The following BICD1 variants were observed in gnomAD, a reference collection of about 807,000 sequenced individuals.
BICD1 encodes BICD cargo adaptor 1.
BICD1 carries 35 observed loss-of-function variants against 92.5 expected under a neutral mutation model. That is an observed-to-expected ratio of 0.38 (90% CI 0.29 to 0.50). The LOEUF is 0.50. Ranked by LOEUF, BICD1 falls within the 20% of genes least tolerant of loss-of-function variation. The pLI is 0.93. For synonymous variants in BICD1, 429 were observed against 465.1 expected, an observed-to-expected ratio of 0.92 and a Z score of 1.00; for missense variants, 950 against 1,189.8, an observed-to-expected ratio of 0.80 and a Z score of 2.97.
intron 1 of BICD1, among the ~76,000 whole-genome samples, chr12:32,147,459 CCTT>C (rs1335315594): frequency 4.0e-5 from 6 of 151,350 alleles, no homozygotes; most frequent in South Asian, 4.2e-4. Flanking sequence ...CATTATATTT[CCTT>C]CTTCTTGTTA....
intron 1 of BICD1, among the ~76,000 whole-genome samples, chr12:32,182,886 C>CTTTTTTTTTTT (rs1335811260): frequency 1.2e-5 from 1 of 80,418 alleles, no homozygotes; most frequent in African/African-American, 4.9e-5. Flanking sequence ...TCTTTTCTTT[C>CTTTTTTTTTTT]TTTCTTTTTT....
chr12:32,164,560 A>G (rs1943698988), intron 1 of BICD1, among the ~76,000 whole-genome samples: 1 of 152,172 alleles, frequency 6.6e-6, no homozygotes, highest in Non-Finnish European at 1.5e-5. Context: ...ATGGATTGGG[A>G]TTATTTCCTG....
chr12:32,217,812 G>A lies in BICD1; in HGVS notation c.426+1353G>A, dbSNP rs531275461. On this transcript the variant is annotated intron_variant, in intron 2 of 9. Transcript: ENST00000652176. Reference sequence around the variant, plus strand: ...GCATCCATTGCAGAAGTGGACAGAGGGTCATGTGGAGCCAAAGCCCACCAT... The same window carrying A: ...GCATCCATTGCAGAAGTGGACAGAGAGTCATGTGGAGCCAAAGCCCACCAT... 2.6e-5 allele frequency among the ~76,000 whole-genome samples: 4 copies of A among 152,278 alleles called. No homozygotes were observed. In the East Asian group the frequency reaches 7.7e-4, roughly 29 times the overall value.
intron 8 of BICD1, among the ~76,000 whole-genome samples, chr12:32,346,134 G>A (rs1227368093): frequency 6.6e-6 from 1 of 152,050 alleles, no homozygotes. Context: ...GGGTGACAGA[G>A]CAAGACCCTG....
intron 2 of BICD1, 44 bp from the exon 3 acceptor site, chr12:32,293,950 A>G (rs1175252613): frequency 1.3e-6 from 2 of 1,569,924 alleles, no homozygotes; most frequent in Non-Finnish European, 8.6e-7. Context: ...TGTAAAATCT[A>G]CAATAAGAGA....
At chr12:32,138,404 A>G (rs1479596488) in intron 1 of BICD1, among the ~76,000 whole-genome samples, 1 of 152,212 alleles carries the variant, frequency 6.6e-6, no homozygotes, top group Non-Finnish European at 1.5e-5. Flanking sequence ...TAGTTTATAG[A>G]GTTGATATCA....
chr12:32,364,758 C>T (rs550338848), intron 8 of BICD1, among the ~76,000 whole-genome samples: 6 of 152,018 alleles, frequency 3.9e-5, no homozygotes, highest in Non-Finnish European at 5.9e-5. Flanking sequence ...CAAGACCAGC[C>T]TAGGCAAAAT....
At chr12:32,118,030 G>A (rs1045456025) in intron 1 of BICD1, among the ~76,000 whole-genome samples, 1 of 149,656 alleles carries the variant, frequency 6.7e-6, no homozygotes, top group Non-Finnish European at 1.5e-5. Flanking sequence ...GATTACAGGC[G>A]TGAGCCATCG....
chr12:32,218,486 C>T (rs979420528), intron 2 of BICD1, among the ~76,000 whole-genome samples: 20 of 152,272 alleles, frequency 1.3e-4, no homozygotes, highest in African/African-American at 4.3e-4. Context: ...ATATTAAGAA[C>T]CACTAATTTA....
chr12:32,346,536 GTATATATATATATATATATATATATATA>G lies in BICD1; in HGVS notation c.2764+7576_2764+7603del, dbSNP rs59893108. Among the ~76,000 whole-genome samples the G allele has an allele frequency of 1.4e-3, 34 of 24,120 alleles. 4 individuals carry two copies. Among genetic ancestry groups the G allele is most frequent in the Admixed American group, 4.4e-3 (6 of 1,376 alleles). The allele number at this position is 24,120 out of a possible 152,430, so 15.8% of individuals were successfully genotyped here. On this transcript the variant is annotated intron_variant, in intron 8 of 9. Transcript: ENST00000652176. ...TGTCAAAAAAAATATATATATACGT[GTATATATATATATATATATATATATATA>G]TATATATATATATATATACGTGTAT...
At chr12:32,168,007 CGTGTGTGTGT>C (rs10568100) in intron 1 of BICD1, among the ~76,000 whole-genome samples, 19 of 149,792 alleles carry the variant, frequency 1.3e-4, no homozygotes, top group Non-Finnish European at 2.4e-4. Context: ...AAGGAGATGG[CGTGTGTGTGT>C]GTGTGTGTGT....
At chr12:32,167,803 AT>A (rs1363191099) in intron 1 of BICD1, among the ~76,000 whole-genome samples, 1 of 152,106 alleles carries the variant, frequency 6.6e-6, no homozygotes, top group African/African-American at 2.4e-5. Flanking sequence ...GTGCTAAGTG[AT>A]TGAGGGAAAC....
chr12:32,188,739 T>G (rs940589679), intron 1 of BICD1, among the ~76,000 whole-genome samples: 2 of 152,092 alleles, frequency 1.3e-5, no homozygotes, highest in African/African-American at 4.8e-5. Context: ...TTCCTTTTTT[T>G]TTTTTTGAGA....
chr12:32,229,948 TG>T (rs1945824725), intron 2 of BICD1, among the ~76,000 whole-genome samples: 1 of 151,948 alleles, frequency 6.6e-6, no homozygotes, highest in Admixed American at 6.6e-5. Context: ...AGTACAAAAA[TG>T]GAGGGATTGC....
In BICD1 at chr12:32,185,518, T is replaced by C. The variant is rs143517765; in HGVS notation, c.214-30729T>C. Among the ~76,000 whole-genome samples the C allele has an allele frequency of 2.7e-4, 41 of 152,366 alleles. No individual in the cohort carries two copies. The Middle Eastern group carries it at 0.014, about 51-fold the overall frequency. The stretch of plus-strand genomic sequence containing the variant: ...GAACATCCTCTCCCTGAGGCTTTGC[T>C]AGTGTTTCAGTAGACAGAAAAAGAA... On this transcript the variant is annotated intron_variant, in intron 1 of 9. Coordinates refer to ENST00000652176, the MANE Select transcript of BICD1 (RefSeq NM_001714.4).
chr12:32,327,698 A>T lies in BICD1; in HGVS notation c.1243A>T (p.Ile415Phe), dbSNP rs1948823393. 1 of 1,614,150 alleles carries T rather than the reference A, an allele frequency of 6.2e-7. No homozygotes were observed. Among genetic ancestry groups the T allele is most frequent in the Non-Finnish European group, 8.5e-7 (1 of 1,180,026 alleles). The change falls in exon 5 of 10, where the codon ATC becomes TTC. Residue 415 changes from isoleucine (I) to phenylalanine (F), a missense_variant. Around this residue, in one of 5 missense-constraint regions of BICD1, gnomAD observed 246 missense variants for 258.4 expected, o/e 0.95. Transcript: ENST00000652176. ...TGAGGTGGACATCAATGGTTTAGAG[A>T]TCCTTGAATGCAAATACAGGGTGGC... Reference protein sequence around the residue: ...DYEVDINGLEILECKYRVAVT... With the variant: ...DYEVDINGLEFLECKYRVAVT...
chr12:32,289,937 C>T (rs1007974343), intron 2 of BICD1, among the ~76,000 whole-genome samples: 1 of 152,090 alleles, frequency 6.6e-6, no homozygotes, highest in Non-Finnish European at 1.5e-5. Flanking sequence ...CACTTGTGAC[C>T]TACAGAATTG....
chr12:32,117,764 T>C (rs1179639591), intron 1 of BICD1, among the ~76,000 whole-genome samples: 1 of 134,608 alleles, frequency 7.4e-6, no homozygotes, highest in Non-Finnish European at 1.6e-5. Context: ...ATATATTTTT[T>C]TTTAAGACCA....
At chr12:32,212,508 T>C (rs1418897141) in intron 1 of BICD1, among the ~76,000 whole-genome samples, 1 of 152,184 alleles carries the variant, frequency 6.6e-6, no homozygotes, top group Non-Finnish European at 1.5e-5. Context: ...CACTGCAACC[T>C]CCATCTCCCA....
Sources: gnomAD v4.1 joint callset for allele counts (sites outside exome capture counted in the v4.1 genomes callset) on GRCh38, gnomAD v4.1.1 for gene constraint, gnomAD v4.1.1 regional missense constraint, MANE v1.5 for transcripts, NCBI Gene and HGNC (gene_info 2026-07-23, HGNC 2026-07-21) for gene names.